POR: variants seen among roughly 807,000 people sequenced by gnomAD.
The protein encoded by POR is NADPH--cytochrome P450 reductase.
Under a neutral mutation model 84.0 loss-of-function variants are expected in POR, and 56 were observed. The ratio of observed to expected loss-of-function variants is 0.67; its 90% CI spans 0.54 to 0.83. The LOEUF (loss-of-function observed/expected upper bound fraction) is 0.83. Ranked by LOEUF, POR falls within the 40% of genes least tolerant of loss-of-function variation. POR has a pLI of 0.00. For synonymous variants in POR, 414 were observed against 400.5 expected, an observed-to-expected ratio of 1.03 and a Z score of -0.40; for missense variants, 938 against 944.3, an observed-to-expected ratio of 0.99 and a Z score of 0.09.
chr7:75,979,944 G>A (rs1384455051), intron 4 of POR, among the ~76,000 whole-genome samples: 1 of 152,170 alleles, frequency 6.6e-6, no homozygotes, highest in African/African-American at 2.4e-5. Flanking sequence ...TCTCCAGGCT[G>A]CATTTGCAGT....
intron 1 of POR, among the ~76,000 whole-genome samples, chr7:75,936,603 C>T (rs1807698055): frequency 6.6e-6 from 1 of 152,018 alleles, no homozygotes; most frequent in Non-Finnish European, 1.5e-5. Context: ...AGTAGCACTG[C>T]CCATGCTGTG....
chr7:75,943,200 C>T (rs1787024324), intron 1 of POR, among the ~76,000 whole-genome samples: 1 of 152,136 alleles, frequency 6.6e-6, no homozygotes, highest in Non-Finnish European at 1.5e-5. Flanking sequence ...ATCCGCCTGC[C>T]TCGGCTTCCC....
chr7:75,975,444 A>G (rs1418691020), intron 3 of POR, among the ~76,000 whole-genome samples: 3 of 152,114 alleles, frequency 2.0e-5, no homozygotes, highest in Non-Finnish European at 2.9e-5. Flanking sequence ...GTTTGAGACC[A>G]GCCTGGGCAA....
chr7:75,936,383 T>C (rs1187066148), intron 1 of POR, among the ~76,000 whole-genome samples: 12 of 151,784 alleles, frequency 7.9e-5, no homozygotes, highest in Admixed American at 7.9e-4. Context: ...GCTGAGATTA[T>C]AGGCGTGAGC....
chr7:75,983,514 A>C lies in POR; in HGVS notation c.831-6A>C, dbSNP rs1585131805. The stretch of plus-strand genomic sequence containing the variant: ...CGCTCACTGTGCTTCTCTCCTCCCC[A>C]CCCAGCCCCTTTGATGCCAAGAATC... On this transcript the variant is annotated splice_region_variant and splice_polypyrimidine_tract_variant and intron_variant, in intron 8 of 15. Coordinates refer to ENST00000461988, the MANE Select transcript of POR (RefSeq NM_000941.3). 6.2e-7 allele frequency: 1 copy of C among 1,608,734 alleles called. No homozygotes were observed. The highest frequency in any genetic ancestry group is 8.5e-7 in the Non-Finnish European group (1 of 1,176,410).
At chr7:75,985,468 G>A (rs1340453432) in intron 12 of POR, 111 bp from the exon 13 acceptor site, 28 of 1,329,568 alleles carry the variant, frequency 2.1e-5, no homozygotes, top group Non-Finnish European at 2.7e-5. Context: ...GGTGCCAGGT[G>A]GGCTGGAAGA....
In POR at chr7:75,984,946, C is replaced by T. The variant is rs41301424; in HGVS notation, c.1236C>T (p.Ser412=). 419 of 1,595,562 alleles carry T rather than the reference C, an allele frequency of 2.6e-4. 2 individuals carry two copies. The East Asian group carries it at 6.7e-3, about 26-fold the overall frequency. Residue 412 remains serine, a synonymous_variant, in exon 11 of 16, where the codon TCC becomes TCT. Coordinates refer to ENST00000461988, the MANE Select transcript of POR (RefSeq NM_000941.3). ...TGCTGCGCAAGATGGCCTCCTCCTCCGGCGAGGGCAAGGTGCGCCCCCTCA... is the reference window on the plus strand; with the variant it reads ...TGCTGCGCAAGATGGCCTCCTCCTCTGGCGAGGGCAAGGTGCGCCCCCTCA...
Position 75,986,250 on chromosome 7 carries a change from G to A in POR, c.1898+9G>A. The A allele has an allele frequency of 6.2e-7, 1 of 1,612,678 alleles. No homozygotes were observed. Among genetic ancestry groups the A allele is most frequent in the Non-Finnish European group, 8.5e-7 (1 of 1,179,812 alleles). On this transcript the variant is annotated intron_variant, in intron 15 of 15. Transcript: ENST00000461988. ...CACATCTACGTCTGTGGGTGAGTGA[G>A]TGGGGTCACTGGAATAGGGGGCAGG...
intron 2 of POR, among the ~76,000 whole-genome samples, chr7:75,957,903 AGTTGGGTGCTCAAG>A (rs574818515): frequency 6.6e-6 from 1 of 152,294 alleles, no homozygotes; most frequent in East Asian, 1.9e-4. Context: ...TGGACCCTGA[AGTTGGGTGCTCAAG>A]GTTGAGTACT....
At chr7:75,980,549 C>T in intron 5 of POR, 61 bp downstream of exon 5, 2 of 1,612,408 alleles carry the variant, frequency 1.2e-6, no homozygotes, top group Non-Finnish European at 1.7e-6. Flanking sequence ...CTGGGGACTC[C>T]AGATCCATGT....
At chr7:75,928,192 A>C (rs1277710617) in intron 1 of POR, among the ~76,000 whole-genome samples, 1 of 152,004 alleles carries the variant, frequency 6.6e-6, no homozygotes, top group Non-Finnish European at 1.5e-5. Flanking sequence ...GCTGGTCTCG[A>C]ACTCCTGACC....
At chr7:75,979,129 C>T (rs1585126629) in intron 3 of POR, among the ~76,000 whole-genome samples, 2 of 152,210 alleles carry the variant, frequency 1.3e-5, no homozygotes, top group East Asian at 3.9e-4. Context: ...ATGGGAGGTC[C>T]TGGAACCATT....
chr7:75,917,623 GA>G (rs1413284084), intron 1 of POR, among the ~76,000 whole-genome samples: 1 of 151,978 alleles, frequency 6.6e-6, no homozygotes, highest in African/African-American at 2.4e-5. Flanking sequence ...AGGTGAAATG[GA>G]GAAATGACAA....
chr7:75,985,611 G>A lies in POR; in HGVS notation c.1431G>A (p.Val477=), dbSNP rs1204517915. 9.5e-6 allele frequency: 15 copies of A among 1,582,560 alleles called. No individual in the cohort carries two copies. The highest frequency in any genetic ancestry group is 3.5e-5 in the South Asian group (3 of 86,118). Residue 477 remains valine, a synonymous_variant, in exon 13 of 16, where the codon GTG becomes GTA. Transcript: ENST00000461988. ...CCAACTCTGTGCACATCTGTGCGGT[G>A]GTTGTGGAGTACGAGACCAAGGCTG...
At chr7:75,960,158 G>A (rs1787873663) in intron 2 of POR, among the ~76,000 whole-genome samples, 1 of 152,008 alleles carries the variant, frequency 6.6e-6, no homozygotes, top group African/African-American at 2.4e-5. Flanking sequence ...AGGCACGGTA[G>A]CATACGCTTG....
In POR at chr7:75,983,860, A is replaced by G; in HGVS notation, c.1066+4A>G. ...ATGTCCCTGAACAACCTGGATGGTG[A>G]GTGCCACAGTCAGGGCGCCCTGCCG... is the stretch of plus-strand genomic sequence containing the variant. On this transcript the variant is annotated splice_donor_region_variant and intron_variant, in intron 10 of 15. Coordinates refer to ENST00000461988, the MANE Select transcript of POR (RefSeq NM_000941.3). 1 of 1,598,650 alleles carries G rather than the reference A, an allele frequency of 6.3e-7. No homozygotes were observed. Among genetic ancestry groups the G allele is most frequent in the Non-Finnish European group, 8.5e-7 (1 of 1,172,116 alleles).
intron 1 of POR, among the ~76,000 whole-genome samples, chr7:75,945,578 A>G (rs1219270679): frequency 7.9e-5 from 12 of 152,082 alleles, no homozygotes; most frequent in African/African-American, 2.9e-4. Context: ...CTGTCAGGCA[A>G]CAGTAGGGTA....
rs574115880 is a variant in POR, at chr7:75,936,633, G to C, written c.-4-17356G>C. On this transcript the variant is annotated intron_variant, in intron 1 of 15. Transcript: ENST00000461988. ...GCTGTGGGCTTGCTGCCGTGGACTT[G>C]CTGTAGGAATTGTAACACATGCGTG... is the stretch of plus-strand genomic sequence containing the variant. 3.3e-5 allele frequency among the ~76,000 whole-genome samples: 5 copies of C among 152,084 alleles called. No individual in the cohort carries two copies. The East Asian group carries it at 7.8e-4, about 24-fold the overall frequency.
chr7:75,948,524 G>A (rs1488585095), intron 1 of POR, among the ~76,000 whole-genome samples: 1 of 152,210 alleles, frequency 6.6e-6, no homozygotes, highest in African/African-American at 2.4e-5. Flanking sequence ...GAAAGAAGCT[G>A]TGAGTGCAGG....
Sources: allele counts gnomAD v4.1 joint callset (sites outside exome capture counted in the v4.1 genomes callset), GRCh38; gene constraint gnomAD v4.1.1; transcripts MANE v1.5; gene names NCBI Gene and HGNC (gene_info 2026-07-23, HGNC 2026-07-21).